Variants in COL8A1 observed in about 807,000 individuals in gnomAD.
The protein encoded by COL8A1 is collagen alpha-1(VIII) chain.
In COL8A1, 21 loss-of-function variants were observed where a neutral mutation model predicts 42.7. That is an observed-to-expected ratio of 0.49 (90% CI 0.35 to 0.71). The LOEUF is 0.71. Ranked by LOEUF, COL8A1 falls within the 30% of genes least tolerant of loss-of-function variation. The pLI is 0.01. For missense variants in COL8A1, 788 were observed against 962.4 expected, an observed-to-expected ratio of 0.82 and a Z score of 2.40; for synonymous variants, 367 against 369.1, an observed-to-expected ratio of 0.99 and a Z score of 0.06.
intron 2 of COL8A1, among the ~76,000 whole-genome samples, chr3:99,748,680 G>A (rs1048597948): frequency 9.9e-5 from 15 of 152,252 alleles, no homozygotes; most frequent in African/African-American, 2.6e-4. Context: ...ACTTGTTTAT[G>A]TACCTGGCTT....
rs376381702 is a variant in COL8A1, at chr3:99,795,058, G to A, written c.1157G>A (p.Gly386Glu). The A allele has an allele frequency of 6.2e-6, 10 of 1,609,548 alleles. No individual in the cohort carries two copies. The highest frequency in any genetic ancestry group is 1.1e-5 in the South Asian group (1 of 90,732). Residue 386 changes from glycine to glutamate, a missense_variant, in exon 4 of 4, where the codon GGG becomes GAG. Gly to Glu is a moderately conservative substitution (Grantham distance 98). Around this residue, in one of 4 missense-constraint regions of COL8A1, gnomAD observed 421 missense variants for 553.1 expected, o/e 0.76. Coordinates refer to ENST00000652472, the MANE Select transcript of COL8A1 (RefSeq NM_020351.4). The stretch of plus-strand genomic sequence containing the variant: ...GGACCAATAGGTGCCCCAGGAATAG[G>A]GGGTCCTCCAGGAGAGCCAGGCCTG... ...EKGPIGAPGI[G>E]GPPGEPGLPG... is the part of the protein sequence containing the mutation.
intron 1 of COL8A1, among the ~76,000 whole-genome samples, chr3:99,714,004 T>A (rs978855036): frequency 6.6e-6 from 1 of 152,044 alleles, no homozygotes; most frequent in Non-Finnish European, 1.5e-5. Flanking sequence ...ATCTCCAGGT[T>A]AACACTTAAA....
In COL8A1 at chr3:99,794,845, T is replaced by C. The variant is rs565755609; in HGVS notation, c.944T>C (p.Ile315Thr). 5 of 1,612,204 alleles carry C rather than the reference T, an allele frequency of 3.1e-6. No homozygotes were observed. Among genetic ancestry groups the C allele is most frequent in the Non-Finnish European group, 4.2e-6 (5 of 1,179,164 alleles). ...CAAGGACCTCCTGGGATACCCGGAATTGGAAAGCCAGGCCAGGATGGGATC... is the reference window on the plus strand; with the variant it reads ...CAAGGACCTCCTGGGATACCCGGAACTGGAAAGCCAGGCCAGGATGGGATC... The part of the protein sequence containing the change: ...GVQGPPGIPG[I>T]GKPGQDGIPG... The change falls in exon 4 of 4, where the codon ATT becomes ACT. Residue 315 changes from isoleucine to threonine, a missense_variant. Ile to Thr is a moderately conservative substitution (Grantham distance 89, BLOSUM62 -1). Around this residue, in one of 4 missense-constraint regions of COL8A1, gnomAD observed 421 missense variants for 553.1 expected, o/e 0.76. Transcript: ENST00000652472. This position sits in a 1 kb window ranked among gnomAD's most constrained non-coding sequence, Gnocchi z 4.3.
At chr3:99,660,524 A>G (rs1576418238) in intron 1 of COL8A1, among the ~76,000 whole-genome samples, 1 of 152,120 alleles carries the variant, frequency 6.6e-6, no homozygotes, top group Non-Finnish European at 1.5e-5. Context: ...GTGGTGGTGC[A>G]AGGGGGCTGG....
chr3:99,698,635 A>G (rs1055577312), intron 1 of COL8A1, among the ~76,000 whole-genome samples: 2 of 152,246 alleles, frequency 1.3e-5, no homozygotes, highest in African/African-American at 4.8e-5. Context: ...ATACACAATT[A>G]GAAGCTAAAC....
chr3:99,670,684 G>C (rs13100157), intron 1 of COL8A1, among the ~76,000 whole-genome samples: 1 of 151,938 alleles, frequency 6.6e-6, no homozygotes, highest in African/African-American at 2.4e-5. Flanking sequence ...ATTGAAAATA[G>C]TCACCCTGCT....
chr3:99,641,733 C>A (rs776698333), intron 1 of COL8A1, among the ~76,000 whole-genome samples: 1 of 152,138 alleles, frequency 6.6e-6, no homozygotes, highest in Non-Finnish European at 1.5e-5. Context: ...CTCCAAGTAA[C>A]CCTCTGGGAG....
intron 1 of COL8A1, among the ~76,000 whole-genome samples, chr3:99,714,213 C>A (rs1939926660): frequency 6.6e-6 from 1 of 152,096 alleles, no homozygotes; most frequent in Admixed American, 6.6e-5. Context: ...GTAGCTCTAT[C>A]TTTTTTGTAT....
rs1937825171 is a variant in COL8A1 at position 99,650,909 on chromosome 3, CT to C, written c.-129+12251del. Reference sequence around the variant, plus strand: ...TACTGAAAAAATTGAATAAGATATGCTTTTTTCTATCCCCAGTGAATGCTAT... The same window carrying C: ...TACTGAAAAAATTGAATAAGATATGCTTTTTCTATCCCCAGTGAATGCTAT... On this transcript the variant is annotated intron_variant, in intron 1 of 3. Transcript: ENST00000652472. 3.9e-5 allele frequency among the ~76,000 whole-genome samples: 6 copies of C among 152,242 alleles called. 1 individual carries two copies. The South Asian group carries it at 1.2e-3, about 32-fold the overall frequency.
intron 1 of COL8A1, among the ~76,000 whole-genome samples, chr3:99,664,503 A>T (rs594827): frequency 0.35 from 53,755 of 151,710 alleles, 10,166 homozygotes; most frequent in East Asian, 0.7. Flanking sequence ...TAAAATAAAA[A>T]AAAAACTTCA....
rs189428359 is a variant in COL8A1 at position 99,788,157 on chromosome 3, A to G, written c.-3-2523A>G. On this transcript the variant is annotated intron_variant, in intron 2 of 3. Transcript: ENST00000652472. Reference sequence around the variant, plus strand: ...AGGGACAGGAGAAAAATTAGTAGGAATAAGTAAAGCAGTAAATTCTAACCA... The same window carrying G: ...AGGGACAGGAGAAAAATTAGTAGGAGTAAGTAAAGCAGTAAATTCTAACCA... Among the ~76,000 whole-genome samples, 273 of 152,332 alleles carry G rather than the reference A, an allele frequency of 1.8e-3. 1 individual carries two copies. The highest frequency in any genetic ancestry group is 0.017 in the Middle Eastern group (5 of 294).
At chr3:99,669,263 GAGAAA>G (rs2107311015) in intron 1 of COL8A1, among the ~76,000 whole-genome samples, 2 of 151,764 alleles carry the variant, frequency 1.3e-5, no homozygotes, top group South Asian at 4.2e-4. Context: ...TGCTGTGACA[GAGAAA>G]AGCACAGGGG....
intron 1 of COL8A1, among the ~76,000 whole-genome samples, chr3:99,696,733 A>G (rs1422641090): frequency 3.3e-5 from 5 of 152,132 alleles, no homozygotes; most frequent in African/African-American, 1.2e-4. Flanking sequence ...AGAAACGAAG[A>G]CCAGGCATGC....
At chr3:99,689,107 C>T (rs773609050) in intron 1 of COL8A1, among the ~76,000 whole-genome samples, 3 of 152,228 alleles carry the variant, frequency 2.0e-5, no homozygotes, top group Non-Finnish European at 4.4e-5. Context: ...AAAGATCCAG[C>T]GATATTAATT....
intron 1 of COL8A1, among the ~76,000 whole-genome samples, chr3:99,699,635 C>T (rs1258940702): frequency 2.0e-5 from 3 of 152,216 alleles, no homozygotes; most frequent in African/African-American, 7.2e-5. Flanking sequence ...AATACATTTG[C>T]ACTCTGAGCA....
chr3:99,767,931 T>C (rs893933802), intron 2 of COL8A1, among the ~76,000 whole-genome samples: 2 of 152,222 alleles, frequency 1.3e-5, no homozygotes, highest in African/African-American at 4.8e-5. Flanking sequence ...ACGAGAATAT[T>C]GCCCATTCTC....
chr3:99,759,253 A>G (rs1187953284), intron 2 of COL8A1, among the ~76,000 whole-genome samples: 1 of 152,154 alleles, frequency 6.6e-6, no homozygotes. Context: ...TGCCTGAATC[A>G]CAGTAGACGG....
intron 2 of COL8A1, among the ~76,000 whole-genome samples, chr3:99,759,839 C>G (rs1331752950): frequency 6.6e-6 from 1 of 152,170 alleles, no homozygotes; most frequent in African/African-American, 2.4e-5. Flanking sequence ...CCCTCAGGAG[C>G]TGACTGGCTG....
At chr3:99,692,331 C>T (rs985757410) in intron 1 of COL8A1, among the ~76,000 whole-genome samples, 1 of 152,204 alleles carries the variant, frequency 6.6e-6, no homozygotes, top group Admixed American at 6.5e-5. Flanking sequence ...TCTCAAACAA[C>T]CACAGAAAAA....
Sources: allele counts gnomAD v4.1 joint callset (sites outside exome capture counted in the v4.1 genomes callset), GRCh38; gene constraint gnomAD v4.1.1; regional missense constraint gnomAD v4.1.1; non-coding constraint Gnocchi (gnomAD v3.1); transcripts MANE v1.5; gene names NCBI Gene and HGNC (gene_info 2026-07-23, HGNC 2026-07-21).